Variants in SUPT3H observed in about 807,000 individuals in gnomAD.
SUPT3H encodes the protein SPT3 homolog, SAGA and STAGA complex component, also known as transcription initiation protein SPT3 homolog.
In SUPT3H, 44 loss-of-function variants were observed where a neutral mutation model predicts 44.3. The ratio of observed to expected loss-of-function variants is 0.99; its 90% CI spans 0.78 to 1.28. SUPT3H has a LOEUF of 1.28. SUPT3H is among the 50% of genes most tolerant of loss of function. SUPT3H has a pLI of 0.00. For synonymous variants in SUPT3H, 124 were observed against 125.6 expected, an observed-to-expected ratio of 0.99 and a Z score of 0.09; for missense variants, 380 against 387.1, an observed-to-expected ratio of 0.98 and a Z score of 0.15.
Position 44,818,566 on chromosome 6 carries a change from AATAG to A in SUPT3H, c.*53-9069_*53-9066del, listed in dbSNP as rs146835654. Reference sequence around the variant, plus strand: ...AAGTTTTGAAAAGCACATTTCTGATAATAGATCTGTATCTAAAAGACATAACACT... The same window carrying A: ...AAGTTTTGAAAAGCACATTTCTGATAATCTGTATCTAAAAGACATAACACT... On this transcript the variant is annotated intron_variant and NMD_transcript_variant, in intron 11 of 11. Coordinates refer to the SUPT3H transcript ENST00000475057. 2.5e-3 allele frequency among the ~76,000 whole-genome samples: 375 copies of A among 152,314 alleles called. 2 individuals are homozygous for A. The highest frequency in any genetic ancestry group is 8.2e-3 in the African/African-American group (342 of 41,578).
chr6:44,896,800 G>T (rs944781030), intron 10 of SUPT3H, among the ~76,000 whole-genome samples: 10 of 152,070 alleles, frequency 6.6e-5, no homozygotes, highest in African/African-American at 2.4e-4. Flanking sequence ...GAAAATGCAG[G>T]ATACCCTGAA....
At chr6:45,347,258 A>G in intron 2 of SUPT3H, among the ~76,000 whole-genome samples, 1 of 152,214 alleles carries the variant, frequency 6.6e-6, no homozygotes, top group East Asian at 1.9e-4. Context: ...ACTACAGTGA[A>G]TAATTAAATT....
At chr6:45,273,046 A>C (rs573437831) in intron 2 of SUPT3H, among the ~76,000 whole-genome samples, 1 of 152,294 alleles carries the variant, frequency 6.6e-6, no homozygotes, top group Non-Finnish European at 1.5e-5. Context: ...ATTTGTTTGA[A>C]ATTTCCACTG....
In SUPT3H at chr6:45,208,824, T is replaced by C. The variant is rs77955083; in HGVS notation, c.102-102818A>G. The stretch of plus-strand genomic sequence containing the variant: ...AACTCCCATAGCTGGAGAGGAGAAG[T>C]CAATTCAAAGCTTCAAAAGACAGGC... On this transcript the variant is annotated intron_variant, in intron 2 of 10. Transcript: ENST00000371459. 3.9e-3 allele frequency among the ~76,000 whole-genome samples: 587 copies of C among 151,810 alleles called. 7 individuals are homozygous for C. The highest frequency in any genetic ancestry group is 0.014 in the African/African-American group (559 of 41,342).
At chr6:45,085,507 TA>T (rs1402118170) in intron 3 of SUPT3H, among the ~76,000 whole-genome samples, 1 of 152,168 alleles carries the variant, frequency 6.6e-6, no homozygotes, top group Admixed American at 6.6e-5. Flanking sequence ...CAACTGAACA[TA>T]TTTGGTACCT....
At chr6:45,075,861 A>G (rs1562404935) in intron 3 of SUPT3H, among the ~76,000 whole-genome samples, 1 of 152,134 alleles carries the variant, frequency 6.6e-6, no homozygotes, top group Non-Finnish European at 1.5e-5. Flanking sequence ...TCTTTTCATA[A>G]ATAATAATGA....
intron 10 of SUPT3H, among the ~76,000 whole-genome samples, chr6:44,859,373 C>T (rs1049194181): frequency 6.6e-6 from 1 of 152,192 alleles, no homozygotes; most frequent in African/African-American, 2.4e-5. Flanking sequence ...AACAATTCTT[C>T]AGCCTCTGTA....
downstream of SUPT3H, among the ~76,000 whole-genome samples, chr6:44,824,653 C>G (rs1767606049): frequency 6.6e-6 from 1 of 152,084 alleles, no homozygotes; most frequent in South Asian, 2.1e-4. Flanking sequence ...GCCTATAATC[C>G]CAGCATTTTG....
At chr6:44,979,904 C>T (rs955534383) in intron 6 of SUPT3H, among the ~76,000 whole-genome samples, 1 of 152,072 alleles carries the variant, frequency 6.6e-6, no homozygotes, top group African/African-American at 2.4e-5. Context: ...TATAGTAGAC[C>T]AGGTCTACCT....
At position 45,294,520 on chromosome 6, in the gene SUPT3H, A is replaced by G. The variant is rs536588739; in HGVS notation, c.101+70681T>C. 1.6e-4 allele frequency among the ~76,000 whole-genome samples: 25 copies of G among 152,142 alleles called. No homozygotes were observed. The South Asian group carries it at 4.8e-3, about 29-fold the overall frequency. On this transcript the variant is annotated intron_variant, in intron 2 of 10. Transcript: ENST00000371459. ...GAAAGAGATAAAGGGCATCCACATC[A>G]GTAAAGAGGAAGTCAAACTGTTGCT...
At chr6:45,374,971 C>T (rs144640532) in intron 1 of SUPT3H, among the ~76,000 whole-genome samples, 2 of 152,298 alleles carry the variant, frequency 1.3e-5, no homozygotes, top group Admixed American at 6.5e-5. Context: ...CTTTGGGAGG[C>T]TGAGGCGGGT....
chr6:45,179,892 A>C (rs1354607162), intron 2 of SUPT3H, among the ~76,000 whole-genome samples: 1 of 152,214 alleles, frequency 6.6e-6, no homozygotes, highest in Non-Finnish European at 1.5e-5. Context: ...GGAGGAAATA[A>C]AGGGTATTCA....
intron 11 of SUPT3H, among the ~76,000 whole-genome samples, chr6:44,809,992 T>A (rs1766401564): frequency 6.6e-6 from 1 of 152,156 alleles, no homozygotes. Context: ...ACAAACCTTG[T>A]GGTGAAGGGG....
intron 6 of SUPT3H, among the ~76,000 whole-genome samples, chr6:44,972,240 A>T (rs1324421541): frequency 6.6e-6 from 1 of 152,208 alleles, no homozygotes; most frequent in Non-Finnish European, 1.5e-5. Context: ...AAACATACCC[A>T]TTCTAAATGG....
intron 2 of SUPT3H, among the ~76,000 whole-genome samples, chr6:45,163,823 T>A (rs543036741): frequency 2.1e-5 from 3 of 144,832 alleles, no homozygotes; most frequent in African/African-American, 7.6e-5. Context: ...AAGCAAGAGG[T>A]CCTCAGCATG....
intron 2 of SUPT3H, chr6:45,197,545 C>T (rs1229346552): frequency 7.9e-6 from 2 of 252,542 alleles, no homozygotes; most frequent in African/African-American, 4.8e-5. Flanking sequence ...CTTTTTAAAA[C>T]TAATTAAAAA....
chr6:44,853,032 G>A (rs901535261), intron 10 of SUPT3H, among the ~76,000 whole-genome samples: 1 of 152,082 alleles, frequency 6.6e-6, no homozygotes, highest in African/African-American at 2.4e-5. Context: ...GTTACCTAAC[G>A]ACTGCCTTGC....
At chr6:45,202,733 A>G (rs1317122346) in intron 2 of SUPT3H, among the ~76,000 whole-genome samples, 1 of 152,142 alleles carries the variant, frequency 6.6e-6, no homozygotes, top group Non-Finnish European at 1.5e-5. Context: ...AATGTTTATC[A>G]ATATTATAAA....
At chr6:45,102,992 C>G (rs959695517) in intron 3 of SUPT3H, among the ~76,000 whole-genome samples, 1 of 151,168 alleles carries the variant, frequency 6.6e-6, no homozygotes, top group Non-Finnish European at 1.5e-5. Context: ...AAAAACTGAT[C>G]TTAATAGGCA....
Sources: gnomAD v4.1 joint callset for allele counts (sites outside exome capture counted in the v4.1 genomes callset) on GRCh38, gnomAD v4.1.1 for gene constraint, MANE v1.5 for transcripts, NCBI Gene and HGNC (gene_info 2026-07-23, HGNC 2026-07-21) for gene names.